CSNK2A1: variants seen among roughly 807,000 people sequenced by gnomAD.
CSNK2A1 encodes casein kinase II subunit alpha.
Under a neutral mutation model 62.9 loss-of-function variants are expected in CSNK2A1, and 10 were observed. That is an observed-to-expected ratio of 0.16 (90% confidence interval 0.10 to 0.27). The LOEUF (loss-of-function observed/expected upper bound fraction) is 0.27. Among genes scored for constraint, CSNK2A1 ranks in the 10% least tolerant of loss-of-function variants. CSNK2A1 has a pLI of 1.00. For synonymous variants in CSNK2A1, 124 were observed against 167.8 expected (o/e 0.74, Z 2.02); for missense variants, 160 against 492.0 (o/e 0.33, Z 6.38).
intron 12 of CSNK2A1, chr20:487,148 A>T: frequency 2.2e-6 from 1 of 458,504 alleles, no homozygotes; most frequent in Non-Finnish European, 3.9e-6. Context: ...AGGGCTGTGT[A>T]TTCTAATTCA....
chr20:527,582 G>A (rs544513160), intron 2 of CSNK2A1, among the ~76,000 whole-genome samples: 1 of 152,190 alleles, frequency 6.6e-6, no homozygotes, highest in East Asian at 1.9e-4. Context: ...TCCAAAACAG[G>A]CCAAGTACCT....
rs1300499111 is a variant in CSNK2A1, at chr20:489,354, C to T, written c.723+426G>A. ...CTTCCACAAGGTCCTAGAATCATTC[C>T]AGGTTCTTGTGAATGAAAGAGCCCT... On this transcript the variant is annotated intron_variant, in intron 10 of 13. Transcript: ENST00000217244. 3 of 211,062 alleles carry T rather than the reference C, an allele frequency of 1.4e-5. No individual in the cohort carries two copies. In the Admixed American group the frequency reaches 1.7e-4, roughly 12 times the overall value. The allele number at this position is 211,062 out of a possible 1,614,324, so 13.1% of individuals were successfully genotyped here.
At chr20:485,139 AGAACAT>A (rs2018069169) in intron 13 of CSNK2A1, among the ~76,000 whole-genome samples, 1 of 80,342 alleles carries the variant, frequency 1.2e-5, no homozygotes, top group Non-Finnish European at 2.5e-5. Context: ...TATATATATG[AGAACAT>A]TATTATACAT....
At chr20:492,439 T>G in intron 8 of CSNK2A1, 75 bp from the exon 9 acceptor site, 1 of 1,417,912 alleles carries the variant, frequency 7.1e-7, no homozygotes, top group Non-Finnish European at 9.9e-7. Flanking sequence ...ATACTCTTGA[T>G]AAAATATACC....
intron 1 of CSNK2A1, among the ~76,000 whole-genome samples, chr20:538,923 T>G (rs1337454798): frequency 5.3e-5 from 8 of 152,158 alleles, no homozygotes; most frequent in Non-Finnish European, 1.2e-4. Flanking sequence ...CTTCAGAAAC[T>G]ACATCTCACT....
intron 1 of CSNK2A1, among the ~76,000 whole-genome samples, chr20:533,708 G>C (rs2019258456): frequency 1.3e-5 from 2 of 152,186 alleles, no homozygotes; most frequent in South Asian, 4.1e-4. Flanking sequence ...ATTAGCATTT[G>C]GGCCTTTTGT....
At chr20:492,201 T>C in intron 9 of CSNK2A1, 53 bp downstream of exon 9, 1 of 1,493,320 alleles carries the variant, frequency 6.7e-7, no homozygotes. Flanking sequence ...TTTTGGTAAA[T>C]TATGTGCGAA....
intron 1 of CSNK2A1, 128 bp from the exon 2 acceptor site, chr20:528,177 C>T (rs1266544142): frequency 6.6e-6 from 1 of 152,158 alleles, no homozygotes; most frequent in African/African-American, 2.4e-5. Flanking sequence ...TGTTATTTAA[C>T]CTACCTGATT....
At chr20:507,059 G>A (rs2018618406) in intron 3 of CSNK2A1, 1 of 152,132 alleles carries the variant, frequency 6.6e-6, no homozygotes, top group Non-Finnish European at 1.5e-5. Context: ...AGCATACAGT[G>A]CCTCTGTATT....
rs1289736136 is a variant in CSNK2A1 at position 475,917 on chromosome 20, A to G, written c.*8044T>C. The G allele has an allele frequency of 6.6e-6, 1 of 152,244 alleles. No homozygotes were observed. The highest frequency in any genetic ancestry group is 1.5e-5 in the Non-Finnish European group (1 of 68,056). The allele number at this position is 152,244 out of a possible 1,614,324, so 9.4% of individuals were successfully genotyped here. On this transcript the variant is annotated 3_prime_UTR_variant, in exon 14 of 14. Coordinates refer to ENST00000217244, the MANE Select transcript of CSNK2A1 (RefSeq NM_177559.3). ...GCCCAGCCGACCCACAACCTGAAAA[A>G]CAGCTGCTTGGGCTGAACTTGATCT... is the stretch of plus-strand genomic sequence containing the variant.
At chr20:537,349 T>C (rs1335170948) in intron 1 of CSNK2A1, among the ~76,000 whole-genome samples, 1 of 152,198 alleles carries the variant, frequency 6.6e-6, no homozygotes, top group Non-Finnish European at 1.5e-5. Flanking sequence ...ATAGCAACTG[T>C]TGCTACGTAG....
chr20:489,154 C>T, intron 10 of CSNK2A1: 1 of 210,238 alleles, frequency 4.8e-6, no homozygotes, highest in South Asian at 8.9e-5. Flanking sequence ...GTTTGACTCC[C>T]TTACAAGATC....
intron 1 of CSNK2A1, among the ~76,000 whole-genome samples, 191 bp from the exon 2 acceptor site, chr20:528,240 C>A (rs2019139323): frequency 6.6e-6 from 1 of 152,210 alleles, no homozygotes; most frequent in Non-Finnish European, 1.5e-5. Flanking sequence ...CCACTCCCTT[C>A]TTTACTGCCA....
chr20:487,323 G>C, intron 12 of CSNK2A1, 104 bp downstream of exon 12: 2 of 1,514,466 alleles, frequency 1.3e-6, no homozygotes, highest in Non-Finnish European at 1.8e-6. Context: ...GGCTCAGTGT[G>C]GGTGAATTAA....
At position 486,432 on chromosome 20, in the gene CSNK2A1, C is replaced by G. The variant is rs767526971; in HGVS notation, c.1004G>C (p.Gly335Ala). 3 of 1,613,402 alleles carry G rather than the reference C, an allele frequency of 1.9e-6. No homozygotes were observed. The highest frequency in any genetic ancestry group is 2.5e-6 in the Non-Finnish European group (3 of 1,179,836). ...YTVVKDQARM[G>A]SSSMPGGSTP... ...ACTGCCCCCTGGCATGCTAGATGAACCCATTCGAGCCTGGTCCTTCACAAC... is the reference window on the plus strand; with the variant it reads ...ACTGCCCCCTGGCATGCTAGATGAAGCCATTCGAGCCTGGTCCTTCACAAC... Residue 335 changes from glycine to alanine, a missense_variant, in exon 13 of 14, where the codon GGT becomes GCT. This residue lies in a region of CSNK2A1 where 51 missense variants were observed against 108.8 expected (regional missense o/e 0.47). Coordinates refer to ENST00000217244, the MANE Select transcript of CSNK2A1 (RefSeq NM_177559.3).
At chr20:541,491 T>TATAC (rs1211192685) in intron 1 of CSNK2A1, among the ~76,000 whole-genome samples, 2 of 152,190 alleles carry the variant, frequency 1.3e-5, no homozygotes, top group African/African-American at 2.4e-5. Flanking sequence ...GTAAAGTATA[T>TATAC]ATACATACAT....
chr20:495,462 G>A, intron 8 of CSNK2A1: 1 of 404,534 alleles, frequency 2.5e-6, no homozygotes, highest in Non-Finnish European at 4.6e-6. Context: ...CAATAAATAA[G>A]GCGAGAAGCC....
At chr20:538,993 A>G (rs1021241840) in intron 1 of CSNK2A1, among the ~76,000 whole-genome samples, 10 of 152,168 alleles carry the variant, frequency 6.6e-5, no homozygotes, top group Non-Finnish European at 1.3e-4. Context: ...TTCAAACATC[A>G]AGAAACAGGC....
At chr20:511,408 A>G (rs1045742996) in intron 2 of CSNK2A1, among the ~76,000 whole-genome samples, 10 of 152,170 alleles carry the variant, frequency 6.6e-5, no homozygotes, top group African/African-American at 2.2e-4. Flanking sequence ...GTATATTCAC[A>G]TTCTTGTGCA....
Sources: allele counts gnomAD v4.1 joint callset (sites outside exome capture counted in the v4.1 genomes callset), GRCh38; gene constraint gnomAD v4.1.1; regional missense constraint gnomAD v4.1.1; transcripts MANE v1.5; gene names NCBI Gene and HGNC (gene_info 2026-07-23, HGNC 2026-07-21).